Variants in MRTFB observed in about 807,000 individuals in gnomAD.
MRTFB encodes myocardin related transcription factor B, also known as myocardin-related transcription factor B.
MRTFB carries 29 observed loss-of-function variants against 104.2 expected under a neutral mutation model. That is an observed-to-expected ratio of 0.28 (90% CI 0.21 to 0.38). The LOEUF (loss-of-function observed/expected upper bound fraction) is 0.38. MRTFB is among the 10% of genes least tolerant of loss of function. The pLI is 1.00. For missense variants in MRTFB, 1,270 were observed against 1,341.6 expected (o/e 0.95, Z 0.83); for synonymous variants, 535 against 519.5 (o/e 1.03, Z -0.41).
intron 9 of MRTFB, among the ~76,000 whole-genome samples, chr16:14,238,715 T>C (rs2042633172): frequency 6.6e-6 from 1 of 152,128 alleles, no homozygotes; most frequent in Non-Finnish European, 1.5e-5. Flanking sequence ...GCATTGGGAT[T>C]GTCATATGTG....
At chr16:14,056,298 T>A in the MRTFB span, among the ~76,000 whole-genome samples, 2 of 152,068 alleles carry the variant, frequency 1.3e-5, no homozygotes, top group Non-Finnish European at 2.9e-5. Context: ...TAATTCTTCT[T>A]AAGAAAATAC....
At chr16:14,054,735 AG>A in the MRTFB span, among the ~76,000 whole-genome samples, 1 of 152,192 alleles carries the variant, frequency 6.6e-6, no homozygotes, top group African/African-American at 2.4e-5. Flanking sequence ...AGTCCATCAT[AG>A]TACTTAATAA....
chr16:14,216,349 C>G (rs1271804596), intron 6 of MRTFB, among the ~76,000 whole-genome samples: 1 of 152,060 alleles, frequency 6.6e-6, no homozygotes, highest in African/African-American at 2.4e-5. Context: ...GGGTAGACAC[C>G]ACATCATTAT....
chr16:14,207,427 A>G lies in MRTFB; in HGVS notation c.155-2816A>G, dbSNP rs141862531. Among the ~76,000 whole-genome samples the G allele has an allele frequency of 5.6e-4, 86 of 152,334 alleles. 1 individual carries two copies. The highest frequency in any genetic ancestry group is 2.0e-3 in the African/African-American group (84 of 41,584). ...GTGTTCTTTGTCTTGGGTTTCTGGC[A>G]CAGAACTCCTAAAGTTCTCCTAAAT... On this transcript the variant is annotated intron_variant, in intron 3 of 16. Transcript: ENST00000571589.
the MRTFB span, among the ~76,000 whole-genome samples, chr16:14,037,381 A>G: frequency 1.3e-5 from 2 of 152,296 alleles, no homozygotes; most frequent in African/African-American, 4.8e-5. Flanking sequence ...GAGGATGATT[A>G]TTTTGAGCTT....
intron 2 of MRTFB, among the ~76,000 whole-genome samples, chr16:14,128,266 G>A (rs935328921): frequency 3.3e-5 from 5 of 152,112 alleles, no homozygotes; most frequent in African/African-American, 1.2e-4. Flanking sequence ...TGGTGTTAGC[G>A]TGATCTGAGA....
At chr16:14,039,288 C>G in the MRTFB span, among the ~76,000 whole-genome samples, 1 of 152,264 alleles carries the variant, frequency 6.6e-6, no homozygotes, top group South Asian at 2.1e-4. Flanking sequence ...CTGGCTTCCT[C>G]CAGAACGGGC....
intron 3 of MRTFB, among the ~76,000 whole-genome samples, chr16:14,183,825 C>T (rs796717891): frequency 3.9e-5 from 6 of 152,184 alleles, no homozygotes; most frequent in African/African-American, 1.4e-4. Context: ...TATAAACCTA[C>T]AGCAGAATAA....
intron 2 of MRTFB, among the ~76,000 whole-genome samples, chr16:14,129,647 A>C (rs756699597): frequency 2.0e-5 from 3 of 152,202 alleles, no homozygotes. Flanking sequence ...AGTGTTTTAC[A>C]TTCTCACCAG....
chr16:14,118,605 C>A (rs942968692), intron 2 of MRTFB, among the ~76,000 whole-genome samples: 2 of 151,454 alleles, frequency 1.3e-5, no homozygotes, highest in Admixed American at 6.6e-5. Context: ...AGTTCGAGAC[C>A]GGTCTGGGCA....
the MRTFB span, among the ~76,000 whole-genome samples, chr16:14,046,676 A>G: frequency 1.3e-5 from 2 of 152,128 alleles, no homozygotes; most frequent in African/African-American, 4.8e-5. Context: ...CTTTCTTCCA[A>G]CTGCCACGAT....
chr16:14,215,074 A>C (rs528151254), intron 6 of MRTFB: 1 of 152,332 alleles, frequency 6.6e-6, no homozygotes, highest in East Asian at 1.9e-4. Context: ...ATCTTGACCT[A>C]TAAGGGACAT....
chr16:14,015,152 T>C, the MRTFB span, among the ~76,000 whole-genome samples: 1 of 152,126 alleles, frequency 6.6e-6, no homozygotes, highest in East Asian at 1.9e-4. Context: ...AGTGTAAGTG[T>C]ATTGCTTTAA....
rs3086624 is a variant in MRTFB at position 14,184,970 on chromosome 16, TAA to T, written c.155-25271_155-25270del. ...GCCAATTGTGGAGGGTTAAATTAGATAAACCTTGCAAAACAGCTAATTAAGTG... is the reference window on the plus strand; with the variant it reads ...GCCAATTGTGGAGGGTTAAATTAGATACCTTGCAAAACAGCTAATTAAGTG... On this transcript the variant is annotated intron_variant, in intron 3 of 16. Transcript: ENST00000571589. Among the ~76,000 whole-genome samples the T allele has an allele frequency of 9.9e-3, 1,513 of 152,334 alleles. 31 individuals carry two copies. Among genetic ancestry groups the T allele is most frequent in the African/African-American group, 0.035 (1,440 of 41,570 alleles).
intron 16 of MRTFB, among the ~76,000 whole-genome samples, chr16:14,258,845 C>G (rs2043630869): frequency 6.6e-6 from 1 of 152,066 alleles, no homozygotes; most frequent in Non-Finnish European, 1.5e-5. Context: ...TAAAAAGAGA[C>G]ATTAGCCACA....
Position 14,245,661 on chromosome 16 carries a change from GT to G in MRTFB, c.1212+2del. 1 of 1,605,940 alleles carries G rather than the reference GT, an allele frequency of 6.2e-7. No individual in the cohort carries two copies. The highest frequency in any genetic ancestry group is 1.1e-5 in the South Asian group (1 of 88,564). On this transcript the variant is annotated splice_donor_variant, in intron 11 of 16. Coordinates refer to ENST00000571589, the MANE Select transcript of MRTFB (RefSeq NM_001308142.2). LOFTEE classifies it high-confidence loss of function. ...GCCTTCTAGCCTGGATGACTTAAAGGTGACAATTGCAACTGGAGCTTATTCA... is the reference window on the plus strand; with the variant it reads ...GCCTTCTAGCCTGGATGACTTAAAGGGACAATTGCAACTGGAGCTTATTCA...
chr16:14,019,331 C>A, the MRTFB span: 3 of 152,152 alleles, frequency 2.0e-5, no homozygotes, highest in Admixed American at 2.0e-4. Context: ...GGTATTACTA[C>A]TTAGCTGGTG....
chr16:14,137,414 T>TTATAC (rs1433138123), intron 2 of MRTFB, among the ~76,000 whole-genome samples: 1 of 152,140 alleles, frequency 6.6e-6, no homozygotes, highest in Non-Finnish European at 1.5e-5. Context: ...GAAGAACAGA[T>TTATAC]TATACTGCAT....
chr16:14,140,868 C>A, intron 3 of MRTFB, 108 bp downstream of exon 3: 1 of 1,244,742 alleles, frequency 8.0e-7, no homozygotes, highest in Non-Finnish European at 1.1e-6. Flanking sequence ...AGCAGTCTGT[C>A]ATGGAGGAGA....
Sources: gnomAD v4.1 joint callset for allele counts (sites outside exome capture counted in the v4.1 genomes callset) on GRCh38, gnomAD v4.1.1 for gene constraint, MANE v1.5 for transcripts, NCBI Gene and HGNC (gene_info 2026-07-23, HGNC 2026-07-21) for gene names.